ANKS1A: variants seen among roughly 807,000 people sequenced by gnomAD.
The protein encoded by ANKS1A is ankyrin repeat and sterile alpha motif domain containing 1A.
Under a neutral mutation model 120.3 loss-of-function variants are expected in ANKS1A, and 55 were observed. The ratio of observed to expected loss-of-function variants is 0.46; its 90% CI spans 0.37 to 0.57. ANKS1A has a LOEUF of 0.57. Ranked by LOEUF, ANKS1A falls within the 20% of genes least tolerant of loss-of-function variation. The probability of loss-of-function intolerance (pLI) is 0.00; values close to 1 mark genes in which losing one functional copy is unlikely to be tolerated. For synonymous variants in ANKS1A, 590 were observed against 604.7 expected (o/e 0.98, Z 0.36); for missense variants, 1,123 against 1,480.3 (o/e 0.76, Z 3.96).
At chr6:34,907,860 G>A (rs1166613218) in intron 1 of ANKS1A, among the ~76,000 whole-genome samples, 1 of 152,120 alleles carries the variant, frequency 6.6e-6, no homozygotes, top group African/African-American at 2.4e-5. Flanking sequence ...ATATAAAGTT[G>A]TGTAATGATT....
At chr6:34,972,505 C>A in intron 3 of ANKS1A, 1 of 744,498 alleles carries the variant, frequency 1.3e-6, no homozygotes, top group Non-Finnish European at 1.6e-6. Flanking sequence ...GGGTTGGGTT[C>A]CCTCAGGGCT....
intron 1 of ANKS1A, among the ~76,000 whole-genome samples, chr6:34,961,203 T>C (rs1007522298): frequency 2.0e-5 from 3 of 152,228 alleles, no homozygotes; most frequent in African/African-American, 7.2e-5. Context: ...AGCAGCCCTT[T>C]GGTGCTTACA....
At chr6:35,004,325 TTA>T (rs1245061235) in intron 10 of ANKS1A, among the ~76,000 whole-genome samples, 1 of 152,142 alleles carries the variant, frequency 6.6e-6, no homozygotes, top group Non-Finnish European at 1.5e-5. Context: ...GGGAAATTTT[TTA>T]AATTACATTT....
At chr6:34,965,816 G>A (rs1272945320) in intron 1 of ANKS1A, among the ~76,000 whole-genome samples, 1 of 150,508 alleles carries the variant, frequency 6.6e-6, no homozygotes, top group East Asian at 1.9e-4. Context: ...GTGTGATCTT[G>A]GCTCCCTGCA....
intron 1 of ANKS1A, among the ~76,000 whole-genome samples, chr6:34,943,624 C>A (rs1343380063): frequency 1.3e-5 from 2 of 152,176 alleles, no homozygotes; most frequent in Non-Finnish European, 2.9e-5. Context: ...AGGCACTGAT[C>A]TTCTTACCAT....
chr6:35,051,181 A>C (rs1775942640), intron 11 of ANKS1A, among the ~76,000 whole-genome samples: 1 of 152,076 alleles, frequency 6.6e-6, no homozygotes, highest in Non-Finnish European at 1.5e-5. Flanking sequence ...GTGACAGAGC[A>C]AGACCATGTC....
intron 10 of ANKS1A, among the ~76,000 whole-genome samples, chr6:34,996,976 A>G (rs1026285586): frequency 1.2e-4 from 19 of 152,106 alleles, no homozygotes; most frequent in Middle Eastern, 3.2e-3. Flanking sequence ...CAACTTTGTT[A>G]CTTTTTTCAG....
At chr6:34,975,559 G>A (rs1429198318) in intron 3 of ANKS1A, among the ~76,000 whole-genome samples, 1 of 151,888 alleles carries the variant, frequency 6.6e-6, no homozygotes, top group Non-Finnish European at 1.5e-5. Context: ...AGGAATTTGG[G>A]ACCAGCCTGG....
intron 9 of ANKS1A, among the ~76,000 whole-genome samples, chr6:34,991,674 A>G: frequency 3.3e-5 from 1 of 30,420 alleles, no homozygotes; most frequent in South Asian, 2.2e-3. Flanking sequence ...ATATATACAC[A>G]TATATATACA....
intron 13 of ANKS1A, among the ~76,000 whole-genome samples, chr6:35,067,033 C>G (rs1415421776): frequency 2.6e-5 from 4 of 152,128 alleles, no homozygotes; most frequent in Non-Finnish European, 2.9e-5. Flanking sequence ...GCAGCTGAAC[C>G]GGGATTGGAA....
At chr6:34,905,091 G>A (rs569386685) in intron 1 of ANKS1A, among the ~76,000 whole-genome samples, 1 of 152,230 alleles carries the variant, frequency 6.6e-6, no homozygotes, top group Non-Finnish European at 1.5e-5. Flanking sequence ...GATTATAGGC[G>A]GGAGCCACTG....
intron 1 of ANKS1A, among the ~76,000 whole-genome samples, chr6:34,894,194 C>T (rs545153074): frequency 6.6e-5 from 10 of 152,216 alleles, no homozygotes; most frequent in African/African-American, 1.2e-4. Flanking sequence ...GGGCACGTAG[C>T]GGGCACTCAG....
chr6:34,903,607 C>T (rs966705324), intron 1 of ANKS1A, among the ~76,000 whole-genome samples: 4 of 151,902 alleles, frequency 2.6e-5, no homozygotes, highest in South Asian at 4.1e-4. Flanking sequence ...AAGCGATTCC[C>T]CTGCCTCAGC....
chr6:34,986,338 G>T (rs1263608756), intron 8 of ANKS1A, among the ~76,000 whole-genome samples: 3 of 152,128 alleles, frequency 2.0e-5, no homozygotes, highest in African/African-American at 7.2e-5. Context: ...CTCCCCTAGG[G>T]TTATGTTGGG....
rs1404628225 is a variant in ANKS1A at position 34,983,389 on chromosome 6, A to G, written c.976A>G (p.Ile326Val). 1 of 1,613,342 alleles carries G rather than the reference A, an allele frequency of 6.2e-7. No individual in the cohort carries two copies. Among genetic ancestry groups the G allele is most frequent in the Non-Finnish European group, 8.5e-7 (1 of 1,179,626 alleles). Residue 326 changes from isoleucine (I) to valine (V), a missense_variant, in exon 7 of 24, where the codon ATC becomes GTC. Physicochemically the swap from Ile to Val is conservative, Grantham distance 29. This residue lies in a region of ANKS1A where 904 missense variants were observed against 1,130.4 expected (regional missense o/e 0.80). Transcript: ENST00000360359. ...DKTPPPQPPL[I>V]SSMDSISQKS... ...AACCCCCCCACCCCAGCCACCTCTC[A>G]TCTCCAGTATGGACTCCATATCACA... is the stretch of plus-strand genomic sequence containing the variant.
chr6:34,940,538 C>A (rs1446791385), intron 1 of ANKS1A, among the ~76,000 whole-genome samples: 1 of 152,180 alleles, frequency 6.6e-6, no homozygotes, highest in African/African-American at 2.4e-5. Context: ...TCTTAGATAT[C>A]TTTTCTATAT....
intron 1 of ANKS1A, among the ~76,000 whole-genome samples, chr6:34,909,293 A>C (rs1277919372): frequency 6.6e-6 from 1 of 152,144 alleles, no homozygotes; most frequent in Non-Finnish European, 1.5e-5. Flanking sequence ...GGCTTATATA[A>C]CTTGTCTAAA....
chr6:35,090,541 T>C lies in ANKS1A; in HGVS notation c.*1932T>C, dbSNP rs1376320210. The stretch of plus-strand genomic sequence containing the variant: ...TTATTTATTCAGGGTATTTTCATAT[T>C]GGAAGCCTTGGCTAGTCTGCTCTAG... On this transcript the variant is annotated 3_prime_UTR_variant, in exon 24 of 24. Transcript: ENST00000360359. 3.9e-6 allele frequency: 4 copies of C among 1,035,970 alleles called. No homozygotes were observed. The Admixed American group carries it at 1.6e-4, about 41-fold the overall frequency. 64.2% of individuals were successfully genotyped at this position (1,035,970 alleles called of 1,614,324 possible).
At chr6:34,977,425 A>T in intron 3 of ANKS1A, among the ~76,000 whole-genome samples, 1 of 150,986 alleles carries the variant, frequency 6.6e-6, no homozygotes, top group African/African-American at 2.4e-5. Flanking sequence ...GTTCCCATGT[A>T]ATTCTAAAAG....
Sources: allele counts gnomAD v4.1 joint callset (sites outside exome capture counted in the v4.1 genomes callset), GRCh38; gene constraint gnomAD v4.1.1; regional missense constraint gnomAD v4.1.1; transcripts MANE v1.5; gene names NCBI Gene and HGNC (gene_info 2026-07-23, HGNC 2026-07-21).